The following TBC1D9B variants were observed in gnomAD, a reference collection of about 807,000 sequenced individuals.
TBC1D9B encodes TBC1 domain family, member 9B (with GRAM domain).
Under a neutral mutation model 121.1 loss-of-function variants are expected in TBC1D9B, and 87 were observed. The observed-to-expected ratio is 0.72, with a 90% CI of 0.60 to 0.86. The LOEUF (loss-of-function observed/expected upper bound fraction) is 0.86, where lower values mean the gene tolerates loss of function less well. Among genes scored for constraint, TBC1D9B ranks in the 40% least tolerant of loss-of-function variants. The pLI, the probability that TBC1D9B is intolerant of heterozygous loss-of-function variation, is 0.00. For missense variants in TBC1D9B, 1,540 were observed against 1,628.6 expected, an observed-to-expected ratio of 0.95 and a Z score of 0.94; for synonymous variants, 668 against 670.1, an observed-to-expected ratio of 1.00 and a Z score of 0.05.
In TBC1D9B at chr5:179,894,604, G is replaced by C; in HGVS notation, c.359C>G (p.Ala120Gly). ...GGGCTGCAGGTTCTTGTTCTCTTCTGCGATGATTCCCTGGAGGAAGGCAAG... is the reference window on the plus strand; with the variant it reads ...GGGCTGCAGGTTCTTGTTCTCTTCTCCGATGATTCCCTGGAGGAAGGCAAG... ...FVKGKIHGII[A>G]EENKNLQPQG... The change falls in exon 4 of 21, where the codon GCA (alanine) becomes GGA (glycine). Residue 120 changes from alanine to glycine, a missense_variant. Physicochemically the swap from Ala to Gly is moderately conservative, Grantham distance 60. Transcript: ENST00000355235. 1 of 1,614,174 alleles carries C rather than the reference G, an allele frequency of 6.2e-7. No individual in the cohort carries two copies. Among genetic ancestry groups the C allele is most frequent in the Non-Finnish European group, 8.5e-7 (1 of 1,180,014 alleles).
intron 10 of TBC1D9B, among the ~76,000 whole-genome samples, chr5:179,877,401 G>A (rs1051297052): frequency 4.6e-5 from 7 of 150,714 alleles, no homozygotes; most frequent in South Asian, 2.1e-4. Flanking sequence ...AGTGGCTCAC[G>A]CCTGTAATCC....
chr5:179,895,050 G>A (rs999722273), intron 3 of TBC1D9B, among the ~76,000 whole-genome samples: 5 of 152,034 alleles, frequency 3.3e-5, no homozygotes, highest in African/African-American at 9.7e-5. Context: ...TTGTAGAAAT[G>A]GGGTTTTGCC....
intron 10 of TBC1D9B, among the ~76,000 whole-genome samples, chr5:179,877,287 T>C (rs1238415849): frequency 6.6e-6 from 1 of 151,084 alleles, no homozygotes; most frequent in African/African-American, 2.4e-5. Context: ...GATCCCCTGG[T>C]CCAAGGAGCT....
intron 7 of TBC1D9B, 140 bp from the exon 8 acceptor site, chr5:179,879,929 T>A: frequency 9.4e-7 from 1 of 1,062,006 alleles, no homozygotes; most frequent in Non-Finnish European, 1.3e-6. Flanking sequence ...GAAGAGCCTG[T>A]CTGGCTGGGC....
rs780355087 is a variant in TBC1D9B, at chr5:179,893,393, G to C, written c.652C>G (p.Arg218Gly). The C allele has an allele frequency of 6.2e-7, 1 of 1,614,032 alleles. No individual in the cohort carries two copies. Among genetic ancestry groups the C allele is most frequent in the African/African-American group, 1.3e-5 (1 of 74,930 alleles). The change falls in exon 5 of 21, where the codon CGT (arginine) becomes GGT (glycine). Residue 218 changes from arginine to glycine, a missense_variant. Arg to Gly is a moderately radical substitution (Grantham distance 125). Coordinates refer to ENST00000355235, the MANE Select transcript of TBC1D9B (RefSeq NM_015043.4). ...AGCTCCTGGTCGCGGGTGTCCACAC[G>C]GATGCTCTCGGGGAAGAGCAGGGTG... Reference protein sequence around the residue: ...NATLLFPESIRVDTRDQELFF... With the variant: ...NATLLFPESIGVDTRDQELFF...
intron 8 of TBC1D9B, 81 bp from the exon 9 acceptor site, chr5:179,879,278 G>T: frequency 6.6e-7 from 1 of 1,520,822 alleles, no homozygotes; most frequent in Non-Finnish European, 8.8e-7. Context: ...GAAGCCTCGT[G>T]AACACTCCAG....
chr5:179,906,018 A>T (rs156104), intron 1 of TBC1D9B, among the ~76,000 whole-genome samples: 87,419 of 152,198 alleles, frequency 0.57, 27,873 homozygotes, highest in African/African-American at 0.84. Context: ...TAGCTGGGAT[A>T]ACAGGCGCGT....
At chr5:179,889,154 C>T (rs9687148) in intron 6 of TBC1D9B, among the ~76,000 whole-genome samples, 2,817 of 152,112 alleles carry the variant, frequency 0.019, 99 homozygotes, top group African/African-American at 0.064. Context: ...CTCAGCCTCC[C>T]AAGTAGCTGG....
chr5:179,877,536 T>C (rs569109036), intron 10 of TBC1D9B, among the ~76,000 whole-genome samples: 3 of 151,616 alleles, frequency 2.0e-5, no homozygotes, highest in Non-Finnish European at 2.9e-5. Context: ...TGGTGGCACA[T>C]GCCTGTAATC....
At chr5:179,887,829 A>T (rs1270062514) in intron 7 of TBC1D9B, 2 of 518,972 alleles carry the variant, frequency 3.9e-6, no homozygotes, top group East Asian at 6.9e-5. Context: ...GTGCAGCAGC[A>T]ATGCAGAAAG....
intron 17 of TBC1D9B, chr5:179,869,441 C>T (rs418595): frequency 0.022 from 10,757 of 491,078 alleles, 933 homozygotes; most frequent in African/African-American, 0.19. Context: ...CAGATAAATG[C>T]AGCAGTTTCG....
At chr5:179,876,142 G>A (rs762929210) in intron 10 of TBC1D9B, 105 bp from the exon 11 acceptor site, 1 of 781,898 alleles carries the variant, frequency 1.3e-6, no homozygotes. Flanking sequence ...GGGCCCACAT[G>A]ATCTTCTTTT....
rs1188893664 is a variant in TBC1D9B, at chr5:179,875,558, A to T, written c.1900+362T>A. Among the ~76,000 whole-genome samples, 1 of 152,200 alleles carries T rather than the reference A, an allele frequency of 6.6e-6. No individual in the cohort carries two copies. On this transcript the variant is annotated intron_variant, in intron 11 of 20. Transcript: ENST00000355235. The surrounding 1 kb of genome is among the most constrained non-coding windows in gnomAD (Gnocchi z 4.5). ...AACTCCAAACACCAGACAGCAGGGG[A>T]AGGACAGGATAACATGCTTAAATAT...
rs1024882192 is a variant in TBC1D9B, at chr5:179,879,140, C to T, written c.1474G>A (p.Gly492Ser). ...WHIHFFEYGRGVCMYRTAKTR... is the reference protein window; with the variant it reads ...WHIHFFEYGRSVCMYRTAKTR... ...TTGGCTGTGCGGTACATGCACACGCCACGCCCGTACTCGAAGAAGTGGATG... is the reference window on the plus strand; with the variant it reads ...TTGGCTGTGCGGTACATGCACACGCTACGCCCGTACTCGAAGAAGTGGATG... Residue 492 changes from glycine (G) to serine (S), a missense_variant, in exon 9 of 21, where the codon GGC becomes AGC. Transcript: ENST00000355235. The T allele has an allele frequency of 6.2e-7, 1 of 1,607,250 alleles. No individual in the cohort carries two copies. The highest frequency in any genetic ancestry group is 1.1e-5 in the South Asian group (1 of 90,832).
chr5:179,867,973 C>T, intron 17 of TBC1D9B, 124 bp from the exon 18 acceptor site: 1 of 826,628 alleles, frequency 1.2e-6, no homozygotes, highest in Non-Finnish European at 1.8e-6. Flanking sequence ...AGTCCCAGCA[C>T]CTGCCCATGA....
intron 17 of TBC1D9B, 102 bp from the exon 18 acceptor site, chr5:179,867,951 A>AGGG: frequency 8.3e-7 from 1 of 1,197,608 alleles, no homozygotes; most frequent in Non-Finnish European, 1.1e-6. Flanking sequence ...TTCCCTGCCC[A>AGGG]CGAGCCTGGC....
chr5:179,865,766 G>A lies in TBC1D9B; in HGVS notation c.2914+72C>T. 1 of 1,501,950 alleles carries A rather than the reference G, an allele frequency of 6.7e-7. No individual in the cohort carries two copies. Among genetic ancestry groups the A allele is most frequent in the East Asian group, 2.3e-5 (1 of 43,972 alleles). 93.0% of individuals were successfully genotyped at this position (1,501,950 alleles called of 1,614,324 possible). The stretch of plus-strand genomic sequence containing the variant: ...GTAGGGGGCTCCCTGGCAGTGACTG[G>A]GGAAAAGACCAGCAAGCAAGGGTGC... On this transcript the variant is annotated intron_variant, in intron 19 of 20. Transcript: ENST00000355235. This position sits in a 1 kb window ranked among gnomAD's most constrained non-coding sequence, Gnocchi z 5.1.
intron 2 of TBC1D9B, among the ~76,000 whole-genome samples, chr5:179,901,746 C>A (rs1761172026): frequency 6.6e-6 from 1 of 152,146 alleles, no homozygotes; most frequent in African/African-American, 2.4e-5. Flanking sequence ...CCAGCCTGGG[C>A]AACAGAAAGA....
In TBC1D9B at chr5:179,885,540, G is replaced by C. The variant is rs1388514466; in HGVS notation, c.1254+2563C>G. On this transcript the variant is annotated intron_variant, in intron 7 of 20. Transcript: ENST00000355235. This position sits in a 1 kb window ranked among gnomAD's most constrained non-coding sequence, Gnocchi z 4.5. ...GGAGGCAGAGGATGCAGTGAGCCAA[G>C]ACTGCCCCACTGCACTCCAGCCTAG... is the stretch of plus-strand genomic sequence containing the variant. Among the ~76,000 whole-genome samples the C allele has an allele frequency of 1.3e-5, 2 of 151,650 alleles. No homozygotes were observed. Among genetic ancestry groups the C allele is most frequent in the South Asian group, 2.1e-4 (1 of 4,818 alleles).
Sources: allele counts gnomAD v4.1 joint callset (sites outside exome capture counted in the v4.1 genomes callset), GRCh38; gene constraint gnomAD v4.1.1; non-coding constraint Gnocchi (gnomAD v3.1); transcripts MANE v1.5; gene names NCBI Gene and HGNC (gene_info 2026-07-23, HGNC 2026-07-21).